The following PIEZO1 variants were observed in gnomAD, a reference collection of about 807,000 sequenced individuals.
The protein encoded by PIEZO1 is piezo-type mechanosensitive ion channel component 1.
Under a neutral mutation model 297.2 loss-of-function variants are expected in PIEZO1, and 296 were observed. That is an observed-to-expected ratio of 1.00 (90% CI 0.91 to 1.10). PIEZO1 has a LOEUF of 1.10. Among genes scored for constraint, PIEZO1 ranks in the 50% least tolerant of loss-of-function variants. The probability of loss-of-function intolerance (pLI) is 0.00; values close to 1 mark genes in which losing one functional copy is unlikely to be tolerated. For synonymous variants in PIEZO1, 2,427 were observed against 1,507.5 expected, an observed-to-expected ratio of 1.61 and a Z score of -14.13; for missense variants, 5,018 against 3,455.5, an observed-to-expected ratio of 1.45 and a Z score of -11.34.
Position 88,734,476 on chromosome 16 carries a change from G to T in PIEZO1, c.2060C>A (p.Pro687His). Reference protein sequence around the residue: ...VSELFSSILVPGFFLLACILQ... With the variant: ...VSELFSSILVHGFFLLACILQ... ...GATGCAGGCCAGGAGGAAGAAGCCG[G>T]GCACCAGGATGCTGGAGAAGAGCTC... Residue 687 changes from proline (P) to histidine (H), a missense_variant, in exon 16 of 51, where the codon CCC becomes CAC. Transcript: ENST00000301015. 6.5e-7 allele frequency: 1 copy of T among 1,549,804 alleles called. No homozygotes were observed. The highest frequency in any genetic ancestry group is 8.7e-7 in the Non-Finnish European group (1 of 1,146,642).
In PIEZO1 at chr16:88,716,350, C is replaced by A. The variant is rs887784032; in HGVS notation, c.7049+11G>T. 1 of 1,523,710 alleles carries A rather than the reference C, an allele frequency of 6.6e-7. No individual in the cohort carries two copies. Among genetic ancestry groups the A allele is most frequent in the South Asian group, 1.2e-5 (1 of 80,610 alleles). 94.4% of individuals were successfully genotyped at this position (1,523,710 alleles called of 1,614,324 possible). ...CAGCCCTCCTGCCCACCACCCGGGC[C>A]CTTCACTCACACAGACTGGTCCGAG... On this transcript the variant is annotated intron_variant, in intron 48 of 50. Transcript: ENST00000301015.
Position 88,727,028 on chromosome 16 carries a change from G to A in PIEZO1, c.3455+11C>T, listed in dbSNP as rs547081373. ...CAGAAGGTTCCCCGTGGAGGGTGACGTGGAACCCACCTGCAGTGGATAAAG... is the reference window on the plus strand; with the variant it reads ...CAGAAGGTTCCCCGTGGAGGGTGACATGGAACCCACCTGCAGTGGATAAAG... On this transcript the variant is annotated intron_variant, in intron 24 of 50. Coordinates refer to ENST00000301015, the MANE Select transcript of PIEZO1 (RefSeq NM_001142864.4). 4.1e-5 allele frequency: 64 copies of A among 1,548,196 alleles called. No homozygotes were observed. Among genetic ancestry groups the A allele is most frequent in the Non-Finnish European group, 5.2e-5 (59 of 1,145,144 alleles).
chr16:88,760,221 T>TC (rs921532416), intron 1 of PIEZO1, among the ~76,000 whole-genome samples: 1 of 151,894 alleles, frequency 6.6e-6, no homozygotes, highest in Non-Finnish European at 1.5e-5. Context: ...CGGGCTCCGC[T>TC]CCCCCGGGGC....
rs1215698829 is a variant in PIEZO1 at position 88,715,724 on chromosome 16, C to G, written c.7447G>C (p.Asp2483His). Reference protein sequence around the residue: ...CVDRILKLCQDIFLVRETREL... With the variant: ...CVDRILKLCQHIFLVRETREL... ...CGAGTCTCCCGCACCAGGAAGATGT[C>G]CTGGCAGAGCTTGAGGATGCGGTCC... is the stretch of plus-strand genomic sequence containing the variant. Residue 2483 changes from aspartate to histidine, a missense_variant, in exon 51 of 51, where the codon GAC becomes CAC. Coordinates refer to ENST00000301015, the MANE Select transcript of PIEZO1 (RefSeq NM_001142864.4). 1 of 1,550,476 alleles carries G rather than the reference C, an allele frequency of 6.4e-7. No homozygotes were observed. Among genetic ancestry groups the G allele is most frequent in the Admixed American group, 2.0e-5 (1 of 51,016 alleles).
intron 31 of PIEZO1, among the ~76,000 whole-genome samples, chr16:88,723,591 A>G (rs955002928): frequency 3.9e-5 from 6 of 152,254 alleles, no homozygotes; most frequent in Non-Finnish European, 7.3e-5. Flanking sequence ...CGGCCAGCAC[A>G]AAGGTGTTGG....
Position 88,726,792 on chromosome 16 carries a change from T to TGTCCCTCTGCAGCAGGGCC in PIEZO1, c.3603_3621dup (p.Thr1208GlyfsTer64). 1 of 1,550,256 alleles carries TGTCCCTCTGCAGCAGGGCC rather than the reference T, an allele frequency of 6.5e-7. No individual in the cohort carries two copies. The highest frequency in any genetic ancestry group is 1.2e-5 in the South Asian group (1 of 84,068). Reference sequence around the variant, plus strand: ...TCCCACAGCACGAGGCGGGCCCGTGTGTCCCTCTGCAGCAGGGCCGTGCCG... The same window carrying TGTCCCTCTGCAGCAGGGCC: ...TCCCACAGCACGAGGCGGGCCCGTGTGTCCCTCTGCAGCAGGGCCGTCCCTCTGCAGCAGGGCCGTGCCG... On this transcript the variant is annotated frameshift_variant, in exon 25 of 51. Coordinates refer to ENST00000301015, the MANE Select transcript of PIEZO1 (RefSeq NM_001142864.4). LOFTEE classifies it high-confidence loss of function.
rs186979379 is a variant in PIEZO1 at position 88,746,218 on chromosome 16, G to A, written c.160+3166C>T. ...GAGACAGAGGATGGAGACTACACAAGGCTGGCAGAGCCGGGGGACCAGTGA... is the reference window on the plus strand; with the variant it reads ...GAGACAGAGGATGGAGACTACACAAAGCTGGCAGAGCCGGGGGACCAGTGA... On this transcript the variant is annotated intron_variant, in intron 2 of 50. Coordinates refer to ENST00000301015, the MANE Select transcript of PIEZO1 (RefSeq NM_001142864.4). Among the ~76,000 whole-genome samples, 13 of 152,290 alleles carry A rather than the reference G, an allele frequency of 8.5e-5. No homozygotes were observed. In the East Asian group the frequency reaches 2.5e-3, roughly 29 times the overall value.
Position 88,737,785 on chromosome 16 carries a change from A to G in PIEZO1, c.1050T>C (p.Ala350=). Residue 350 remains alanine, a synonymous_variant, in exon 9 of 51, where the codon GCT becomes GCC. Coordinates refer to ENST00000301015, the MANE Select transcript of PIEZO1 (RefSeq NM_001142864.4). ...QRKEAAKGYE[A]RELELAELDQ... ...CCAGCTCTGCTAGCTCCAGCTCCCG[A>G]GCCTCATACCCCTTTGCCGCCTCCT... 1 of 1,535,746 alleles carries G rather than the reference A, an allele frequency of 6.5e-7. No individual in the cohort carries two copies.
chr16:88,725,349 G>T, intron 29 of PIEZO1, 67 bp downstream of exon 29: 1 of 987,792 alleles, frequency 1.0e-6, no homozygotes. Flanking sequence ...CACAGACGCA[G>T]CACACGCCAG....
In PIEZO1 at chr16:88,733,265, C is replaced by T. The variant is rs991336654; in HGVS notation, c.2664+13G>A. 16 of 1,535,018 alleles carry T rather than the reference C, an allele frequency of 1.0e-5. 1 individual carries two copies. Among genetic ancestry groups the T allele is most frequent in the African/African-American group, 2.7e-5 (2 of 72,756 alleles). Reference sequence around the variant, plus strand: ...TGGAGCTTCCTCCCGTCCCAGCCCTCGGGGGCCGGTACCTCGGTGCAGTTG... The same window carrying T: ...TGGAGCTTCCTCCCGTCCCAGCCCTTGGGGGCCGGTACCTCGGTGCAGTTG... On this transcript the variant is annotated intron_variant, in intron 19 of 50. Transcript: ENST00000301015.
intron 1 of PIEZO1, among the ~76,000 whole-genome samples, chr16:88,763,020 G>T (rs1907001198): frequency 6.6e-6 from 1 of 152,222 alleles, no homozygotes; most frequent in African/African-American, 2.4e-5. Context: ...CATGGGGGTA[G>T]CCCGTCCAGA....
At chr16:88,724,172 C>T (rs181059523) in intron 30 of PIEZO1, among the ~76,000 whole-genome samples, 53 of 152,334 alleles carry the variant, frequency 3.5e-4, no homozygotes, top group African/African-American at 1.2e-3. Context: ...CCAGCGCGGG[C>T]TGGGGTGCAG....
intron 1 of PIEZO1, 56 bp downstream of exon 1, chr16:88,784,845 G>A: frequency 7.9e-7 from 1 of 1,259,210 alleles, no homozygotes. Flanking sequence ...TCCAGGCCGT[G>A]GGGAGCCGAG....
chr16:88,767,544 C>G (rs1206260633), intron 1 of PIEZO1, among the ~76,000 whole-genome samples: 1 of 152,200 alleles, frequency 6.6e-6, no homozygotes. Flanking sequence ...CCCTGCTCCT[C>G]TCCCATCTCT....
At chr16:88,771,715 A>T (rs1322383354) in intron 1 of PIEZO1, among the ~76,000 whole-genome samples, 2 of 152,284 alleles carry the variant, frequency 1.3e-5, no homozygotes, top group Non-Finnish European at 1.5e-5. Flanking sequence ...CGACGTCCAG[A>T]TGCCCGTCCA....
intron 32 of PIEZO1, 26 bp downstream of exon 32, chr16:88,723,200 C>T (rs1036500712): frequency 2.1e-5 from 32 of 1,548,944 alleles, no homozygotes; most frequent in Non-Finnish European, 2.7e-5. Context: ...GGCTTCCCCT[C>T]AGAGTCCCCA....
chr16:88,722,601 G>A lies in PIEZO1; in HGVS notation c.4757C>T (p.Ala1586Val). Reference sequence around the variant, plus strand: ...CACCTACCTGGACACGGTGCTTGGGGCATTGGGGGCCTCGGTGGGGCCTGG... The same window carrying A: ...CACCTACCTGGACACGGTGCTTGGGACATTGGGGGCCTCGGTGGGGCCTGG... ...TLPGPTEAPN[A>V]PSTVSSGLGA... Residue 1586 changes from alanine (A) to valine (V), a missense_variant, in exon 35 of 51, where the codon GCC becomes GTC. Ala to Val is a moderately conservative substitution (Grantham distance 64). Transcript: ENST00000301015. 1 of 1,537,154 alleles carries A rather than the reference G, an allele frequency of 6.5e-7. No individual in the cohort carries two copies. The highest frequency in any genetic ancestry group is 8.7e-7 in the Non-Finnish European group (1 of 1,144,792).
chr16:88,722,787 G>C, intron 34 of PIEZO1, 50 bp downstream of exon 34: 3 of 1,532,744 alleles, frequency 2.0e-6, no homozygotes, highest in Non-Finnish European at 1.8e-6. Flanking sequence ...AAGCAGGCAG[G>C]GGCGTAGTCA....
Position 88,722,599 on chromosome 16 carries a change from G to A in PIEZO1, c.4759C>T (p.Pro1587Ser). Residue 1587 changes from proline (P) to serine (S), a missense_variant, in exon 35 of 51, where the codon CCA (proline) becomes TCA (serine). Transcript: ENST00000301015. ...LPGPTEAPNA[P>S]STVSSGLGAE... ...CGCACCTACCTGGACACGGTGCTTG[G>A]GGCATTGGGGGCCTCGGTGGGGCCT... The A allele has an allele frequency of 2.0e-6, 3 of 1,536,794 alleles. No homozygotes were observed. Among genetic ancestry groups the A allele is most frequent in the Non-Finnish European group, 2.6e-6 (3 of 1,144,604 alleles).
Sources: allele counts gnomAD v4.1 joint callset (sites outside exome capture counted in the v4.1 genomes callset), GRCh38; gene constraint gnomAD v4.1.1; transcripts MANE v1.5; gene names NCBI Gene and HGNC (gene_info 2026-07-23, HGNC 2026-07-21).